Variants in ERN1 observed in about 807,000 individuals in gnomAD.
The protein encoded by ERN1 is serine/threonine-protein kinase/endoribonuclease IRE1.
In ERN1, 39 loss-of-function variants were observed where a neutral mutation model predicts 113.1. The observed-to-expected ratio is 0.34, with a 90% CI of 0.27 to 0.45. The LOEUF (loss-of-function observed/expected upper bound fraction) is 0.45, where lower values mean the gene tolerates loss of function less well. ERN1 is among the 20% of genes least tolerant of loss of function. ERN1 has a pLI of 1.00. For missense variants in ERN1, 976 were observed against 1,274.8 expected (o/e 0.77, Z 3.57); for synonymous variants, 507 against 515.9 (o/e 0.98, Z 0.23).
At chr17:64,090,671 C>T (rs922985169) in intron 2 of ERN1, among the ~76,000 whole-genome samples, 3 of 152,160 alleles carry the variant, frequency 2.0e-5, no homozygotes, top group Non-Finnish European at 2.9e-5. Flanking sequence ...GACGACCCAT[C>T]GGAGCTGAGA....
At chr17:64,051,807 T>C (rs1433054399) in intron 17 of ERN1, among the ~76,000 whole-genome samples, 5 of 152,064 alleles carry the variant, frequency 3.3e-5, no homozygotes, top group African/African-American at 9.7e-5. Flanking sequence ...TAAAAGACAT[T>C]TGGGGACTAA....
chr17:64,129,600 G>A (rs982238633), intron 1 of ERN1: 20 of 362,942 alleles, frequency 5.5e-5, no homozygotes, highest in African/African-American at 4.0e-4. Flanking sequence ...CCGCCCGCGA[G>A]GAGGAGGGTC....
intron 9 of ERN1, among the ~76,000 whole-genome samples, chr17:64,064,725 G>A (rs1004886066): frequency 1.9e-4 from 29 of 152,272 alleles, no homozygotes; most frequent in Admixed American, 1.3e-3. Context: ...AAGGAGGCTC[G>A]GCGAGATTGC....
intron 1 of ERN1, among the ~76,000 whole-genome samples, chr17:64,127,482 G>A (rs1915110264): frequency 6.6e-6 from 1 of 152,100 alleles, no homozygotes; most frequent in Non-Finnish European, 1.5e-5. Context: ...GGCCGGGTGC[G>A]GTGGCTCATG....
At chr17:64,085,362 A>G (rs1190029316) in intron 2 of ERN1, among the ~76,000 whole-genome samples, 1 of 152,180 alleles carries the variant, frequency 6.6e-6, no homozygotes, top group African/African-American at 2.4e-5. Context: ...TACAGAGCTC[A>G]CAGGGCGAGA....
chr17:64,047,214 T>C (rs973590228), intron 19 of ERN1, among the ~76,000 whole-genome samples: 14 of 151,936 alleles, frequency 9.2e-5, no homozygotes, highest in African/African-American at 2.4e-4. Context: ...CAAAAAAACT[T>C]AGGCAGGCGT....
At chr17:64,111,455 A>C (rs1002143706) in intron 1 of ERN1, among the ~76,000 whole-genome samples, 6 of 151,892 alleles carry the variant, frequency 4.0e-5, no homozygotes, top group African/African-American at 1.5e-4. Flanking sequence ...TCCTGGGTTC[A>C]AGCGATTCTC....
At chr17:64,078,805 G>A (rs918348252) in intron 4 of ERN1, among the ~76,000 whole-genome samples, 3 of 152,168 alleles carry the variant, frequency 2.0e-5, no homozygotes, top group Non-Finnish European at 4.4e-5. Flanking sequence ...AGAAGTTGGA[G>A]ACCAGCCTAG....
Position 64,053,220 on chromosome 17 carries a change from C to T in ERN1, c.2053+52G>A, listed in dbSNP as rs1912743752. 2.7e-5 allele frequency: 40 copies of T among 1,467,180 alleles called. No homozygotes were observed. In the South Asian group the frequency reaches 4.9e-4, roughly 18 times the overall value. 90.9% of individuals were successfully genotyped at this position (1,467,180 alleles called of 1,614,324 possible). A position where few individuals can be genotyped will look rare whatever the true frequency, so the allele number is the denominator to read the frequency against. On this transcript the variant is annotated intron_variant, in intron 16 of 21. Coordinates refer to ENST00000433197, the MANE Select transcript of ERN1 (RefSeq NM_001433.5). The stretch of plus-strand genomic sequence containing the variant: ...GAGCTACTGGTTAGCCCCACCTGGG[C>T]CACTGATTCTCCCCACCCGGGCCGC...
chr17:64,042,406 A>T lies in ERN1; in HGVS notation c.*1582T>A, dbSNP rs1261551244. ...GGCAGAATGAGAGCTTTTGATGAGT[A>T]ACCATGATACAAATACACAAACAGA... On this transcript the variant is annotated 3_prime_UTR_variant, in exon 22 of 22. Transcript: ENST00000433197. 1 of 152,378 alleles carries T rather than the reference A, an allele frequency of 6.6e-6. No homozygotes were observed. Among genetic ancestry groups the T allele is most frequent in the East Asian group, 1.9e-4 (1 of 5,196 alleles). 9.4% of individuals were successfully genotyped at this position (152,378 alleles called of 1,614,324 possible). A position where few individuals can be genotyped will look rare whatever the true frequency, so the allele number is the denominator to read the frequency against.
At chr17:64,066,611 C>G in intron 8 of ERN1, 60 bp downstream of exon 8, 1 of 1,593,716 alleles carries the variant, frequency 6.3e-7, no homozygotes, top group Non-Finnish European at 8.6e-7. Flanking sequence ...TGCTACACTG[C>G]AACAGCACCA....
chr17:64,103,727 GA>G (rs1290541132), intron 1 of ERN1, among the ~76,000 whole-genome samples: 5 of 152,136 alleles, frequency 3.3e-5, no homozygotes, highest in South Asian at 2.1e-4. Flanking sequence ...TTTCAGGTAA[GA>G]AAAAAATATT....
intron 11 of ERN1, among the ~76,000 whole-genome samples, chr17:64,059,334 C>T (rs1454623042): frequency 3.9e-5 from 6 of 152,186 alleles, no homozygotes; most frequent in Admixed American, 6.5e-5. Flanking sequence ...CTTTTGGTCT[C>T]GGCATCAGTC....
chr17:64,103,022 T>A (rs1914428272), intron 1 of ERN1: 4 of 905,150 alleles, frequency 4.4e-6, no homozygotes, highest in Admixed American at 6.2e-5. Flanking sequence ...AAACTAAACA[T>A]CCATTAGCTA....
chr17:64,080,309 T>G (rs1227011627), intron 3 of ERN1: 1 of 160,292 alleles, frequency 6.2e-6, no homozygotes, highest in Non-Finnish European at 1.4e-5. Flanking sequence ...TTTTGTCAAG[T>G]TAATCTGCTA....
rs1350359674 is a variant in ERN1 at position 64,060,463 on chromosome 17, A to G, written c.1206+6T>C. On this transcript the variant is annotated splice_donor_region_variant and intron_variant, in intron 11 of 21. Transcript: ENST00000433197. The stretch of plus-strand genomic sequence containing the variant: ...ACAACCCCCGACTGGTCGCTTCCTC[A>G]CTCACTTCCTCAAAGCTCTTTTTCT... The G allele has an allele frequency of 2.5e-6, 4 of 1,590,246 alleles. No homozygotes were observed. Among genetic ancestry groups the G allele is most frequent in the Non-Finnish European group, 3.5e-6 (4 of 1,158,708 alleles).
intron 1 of ERN1, among the ~76,000 whole-genome samples, chr17:64,116,973 G>T (rs1278886233): frequency 2.7e-5 from 4 of 149,776 alleles, no homozygotes; most frequent in African/African-American, 9.9e-5. Flanking sequence ...AAAGCCAGGT[G>T]TTGTGGCGTG....
intron 4 of ERN1, among the ~76,000 whole-genome samples, chr17:64,078,455 T>C (rs924643749): frequency 1.3e-5 from 2 of 152,238 alleles, no homozygotes; most frequent in African/African-American, 4.8e-5. Context: ...GAAAAGTTCT[T>C]AATTTTAATA....
chr17:64,119,474 T>TG (rs1371378676), intron 1 of ERN1, among the ~76,000 whole-genome samples: 1 of 143,094 alleles, frequency 7.0e-6, no homozygotes, highest in Non-Finnish European at 1.5e-5. Context: ...CTGCAACCTC[T>TG]GCCTCCTGGG....
Sources: gnomAD v4.1 joint callset for allele counts (sites outside exome capture counted in the v4.1 genomes callset) on GRCh38, gnomAD v4.1.1 for gene constraint, MANE v1.5 for transcripts, NCBI Gene and HGNC (gene_info 2026-07-23, HGNC 2026-07-21) for gene names.